The following CD207 variants were observed in gnomAD, a reference collection of about 807,000 sequenced individuals.
The protein encoded by CD207 is C-type lectin domain family 4 member K.
A neutral mutation model predicts 31.6 loss-of-function variants in CD207; 28 were observed. The ratio of observed to expected loss-of-function variants is 0.89; its 90% confidence interval spans 0.66 to 1.21. CD207 has a LOEUF of 1.21. Ranked by LOEUF, CD207 falls within the 50% of genes most tolerant of loss-of-function variation. The pLI is 0.00. For missense variants in CD207, 388 were observed against 397.8 expected, an observed-to-expected ratio of 0.98 and a Z score of 0.21; for synonymous variants, 168 against 153.9, an observed-to-expected ratio of 1.09 and a Z score of -0.68.
At chr2:70,824,621 C>CAAAAAAAAAAAAAAAAAAAAAAAAAA in the CD207 span, among the ~76,000 whole-genome samples, 5 of 38,248 alleles carry the variant, frequency 1.3e-4, no homozygotes, top group African/African-American at 2.9e-4. Context: ...TGCTTAGTTA[C>CAAAAAAAAAAAAAAAAAAAAAAAAAA]CAAAAAAAAA....
At position 70,830,902 on chromosome 2, in the gene CD207, A is replaced by G. The variant is rs371710720; in HGVS notation, c.*148T>C. 4.4e-5 allele frequency: 30 copies of G among 675,936 alleles called. No homozygotes were observed. The East Asian group carries it at 7.8e-4, about 18-fold the overall frequency. 41.9% of individuals were successfully genotyped at this position (675,936 alleles called of 1,614,324 possible). A position where few individuals can be genotyped will look rare whatever the true frequency, so the allele number is the denominator to read the frequency against. On this transcript the variant is annotated 3_prime_UTR_variant, in exon 6 of 6. Transcript: ENST00000410009. ...ACGTCAGAGAATTTCCAGCCAAGAC[A>G]GACGGACTCCAGAATGCCACTGTGG...
downstream of CD207, chr2:70,830,123 G>A (rs1239249693): frequency 6.6e-6 from 1 of 152,202 alleles, no homozygotes; most frequent in Admixed American, 6.5e-5. Context: ...TGTTTCCTGA[G>A]GATACCCTAG....
chr2:70,833,526 C>T, intron 3 of CD207, 120 bp downstream of exon 3: 1 of 1,168,716 alleles, frequency 8.6e-7, no homozygotes, highest in Non-Finnish European at 1.2e-6. Flanking sequence ...TAGCCCATGG[C>T]TGCCCCTCTT....
chr2:70,835,373 C>G, intron 2 of CD207, 118 bp downstream of exon 2: 1 of 731,280 alleles, frequency 1.4e-6, no homozygotes, highest in South Asian at 1.5e-5. Context: ...AGGAAGGAGA[C>G]AAATGAAAAA....
At chr2:70,827,082 C>A (rs1406299152), downstream of CD207, among the ~76,000 whole-genome samples, 1 of 152,124 alleles carries the variant, frequency 6.6e-6, no homozygotes, top group South Asian at 2.1e-4. Flanking sequence ...GTGCCTCAGG[C>A]CTGTCACACT....
downstream of CD207, among the ~76,000 whole-genome samples, chr2:70,826,582 T>C (rs944152072): frequency 2.0e-4 from 30 of 152,088 alleles, no homozygotes; most frequent in African/African-American, 7.2e-4. Context: ...TCCCACTGGG[T>C]TGACCAAGCA....
Position 70,833,929 on chromosome 2 carries a change from T to G in CD207, c.282A>C (p.Glu94Asp). Residue 94 changes from glutamate to aspartate, a missense_variant, in exon 3 of 6, where the codon GAA becomes GAC. By Grantham distance (45) the Glu-to-Asp change is conservative. Transcript: ENST00000410009. ...RVDNISTLDS[E>D]IKKNSDGMEA... is the part of the protein sequence containing the mutation. ...CCATGCCGTCACTATTCTTTTTAAT[T>G]TCAGAATCCAGGGTGCTGATGTTGT... 2 of 1,589,356 alleles carry G rather than the reference T, an allele frequency of 1.3e-6. No homozygotes were observed. Among genetic ancestry groups the G allele is most frequent in the Non-Finnish European group, 1.7e-6 (2 of 1,166,634 alleles).
At chr2:70,831,586 TAAGACAGGG>T in intron 5 of CD207, 106 bp downstream of exon 5, 1 of 748,732 alleles carries the variant, frequency 1.3e-6, no homozygotes, top group South Asian at 1.5e-5. Flanking sequence ...CCTGTCACTC[TAAGACAGGG>T]AAGAATCAGA....
chr2:70,834,140 A>G (rs1049542548), intron 2 of CD207, 120 bp from the exon 3 acceptor site: 5 of 874,850 alleles, frequency 5.7e-6, no homozygotes, highest in African/African-American at 3.4e-5. Flanking sequence ...GAACCAAGAC[A>G]GTCCAATGGG....
downstream of CD207, among the ~76,000 whole-genome samples, chr2:70,827,382 C>T (rs1458622047): frequency 6.6e-6 from 1 of 151,760 alleles, no homozygotes; most frequent in Non-Finnish European, 1.5e-5. Flanking sequence ...AGGGGAGGTT[C>T]TTGGAGGTCT....
rs564001946 is a variant in CD207 at position 70,833,585 on chromosome 2, G to C, written c.565+61C>G. 2.2e-4 allele frequency: 332 copies of C among 1,498,878 alleles called. No homozygotes were observed. The African/African-American group carries it at 4.1e-3, about 19-fold the overall frequency. 92.8% of individuals were successfully genotyped at this position (1,498,878 alleles called of 1,614,324 possible). A position where few individuals can be genotyped will look rare whatever the true frequency, so the allele number is the denominator to read the frequency against. On this transcript the variant is annotated intron_variant, in intron 3 of 5. Transcript: ENST00000410009. ...CCACCAGCCCAATGGCCTCAGGTCT[G>C]GGACAGGTAAGATCCCATGGGCCAC...
intron 3 of CD207, 40 bp from the exon 4 acceptor site, chr2:70,833,091 AT>A: frequency 1.2e-6 from 2 of 1,607,534 alleles, no homozygotes; most frequent in Non-Finnish European, 1.7e-6. Context: ...GGTATTCTTG[AT>A]TTCTTGGGAT....
chr2:70,833,721 C>T lies in CD207; in HGVS notation c.490G>A (p.Ala164Thr), dbSNP rs1558629211. ...IPELKSDLEK[A>T]SALNTKIRAL... Reference sequence around the variant, plus strand: ...CGGATCTTTGTATTTAAAGCACTGGCTTTCTCCAAATCACTTTTTAACTCT... The same window carrying T: ...CGGATCTTTGTATTTAAAGCACTGGTTTTCTCCAAATCACTTTTTAACTCT... Residue 164 changes from alanine to threonine, a missense_variant, in exon 3 of 6, where the codon GCC (alanine) becomes ACC (threonine). Coordinates refer to ENST00000410009, the MANE Select transcript of CD207 (RefSeq NM_015717.5). 1.2e-6 allele frequency: 2 copies of T among 1,614,038 alleles called. No homozygotes were observed. The highest frequency in any genetic ancestry group is 2.2e-5 in the South Asian group (2 of 91,080).
At chr2:70,834,201 C>T (rs1553400547) in intron 2 of CD207, among the ~76,000 whole-genome samples, 181 bp from the exon 3 acceptor site, 4 of 152,178 alleles carry the variant, frequency 2.6e-5, no homozygotes, top group Non-Finnish European at 5.9e-5. Context: ...GTGCAATGGG[C>T]ACCTACCATG....
the CD207 span, among the ~76,000 whole-genome samples, chr2:70,824,474 C>A: frequency 6.6e-6 from 1 of 151,854 alleles, no homozygotes; most frequent in Non-Finnish European, 1.5e-5. Context: ...CCACACAGCC[C>A]CCAGGTTTTG....
At chr2:70,825,892 T>C (rs1677332201), downstream of CD207, among the ~76,000 whole-genome samples, 1 of 152,046 alleles carries the variant, frequency 6.6e-6, no homozygotes, top group Non-Finnish European at 1.5e-5. Flanking sequence ...ACACCTGTAA[T>C]CTAAGCACTT....
chr2:70,832,164 G>C (rs1314122836), intron 4 of CD207, among the ~76,000 whole-genome samples: 1 of 152,188 alleles, frequency 6.6e-6, no homozygotes, highest in South Asian at 2.1e-4. Context: ...ATCCACATAC[G>C]GCACTGTGCT....
At chr2:70,833,152 G>A in intron 3 of CD207, 101 bp from the exon 4 acceptor site, 1 of 1,110,090 alleles carries the variant, frequency 9.0e-7, no homozygotes. Flanking sequence ...AGCAGCAAAT[G>A]GAGCTGTGCG....
downstream of CD207, among the ~76,000 whole-genome samples, chr2:70,829,633 T>C (rs1440256820): frequency 2.0e-5 from 3 of 152,166 alleles, no homozygotes; most frequent in South Asian, 2.1e-4. Flanking sequence ...GGTTAGGTCT[T>C]TGGGGCCCTG....
Sources: gnomAD v4.1 joint callset for allele counts (sites outside exome capture counted in the v4.1 genomes callset) on GRCh38, gnomAD v4.1.1 for gene constraint, MANE v1.5 for transcripts, NCBI Gene and HGNC (gene_info 2026-07-23, HGNC 2026-07-21) for gene names.